RAD18: variants seen among roughly 807,000 people sequenced by gnomAD.
The protein encoded by RAD18 is RAD18 E3 ubiquitin protein ligase, also known as E3 ubiquitin-protein ligase RAD18.
A neutral mutation model predicts 60.4 loss-of-function variants in RAD18; 47 were observed. The ratio of observed to expected loss-of-function variants is 0.78; its 90% CI spans 0.62 to 0.99. The LOEUF is 0.99. Ranked by LOEUF, RAD18 falls within the 50% of genes least tolerant of loss-of-function variation. RAD18 has a pLI of 0.00. For missense variants in RAD18, 640 were observed against 593.3 expected (o/e 1.08, Z -0.82); for synonymous variants, 225 against 195.5 (o/e 1.15, Z -1.26).
chr3:8,894,830 G>A (rs920954817), intron 11 of RAD18, among the ~76,000 whole-genome samples: 10 of 146,260 alleles, frequency 6.8e-5, no homozygotes, highest in East Asian at 2.0e-4. Context: ...GCGCGATATC[G>A]GCTCACAGCA....
At position 8,898,961 on chromosome 3, in the gene RAD18, C is replaced by CAGG. The variant is rs745475364; in HGVS notation, c.1254_1255insCCT (p.Glu418_Glu419insPro). The CAGG allele has an allele frequency of 6.2e-7, 1 of 1,609,994 alleles. No individual in the cohort carries two copies. The highest frequency in any genetic ancestry group is 8.5e-7 in the Non-Finnish European group (1 of 1,177,290). ...ATATCAATACAGCTAGAAGAATCCT[C>CAGG]TTCTCTGTCAGGTTCCAATTCCTCT... On this transcript the variant is annotated inframe_insertion, in exon 11 of 13. Coordinates refer to ENST00000264926, the MANE Select transcript of RAD18 (RefSeq NM_020165.4).
chr3:8,923,605 A>G (rs1256096477), intron 7 of RAD18, among the ~76,000 whole-genome samples: 4 of 152,130 alleles, frequency 2.6e-5, no homozygotes, highest in Admixed American at 6.5e-5. Context: ...TCCAAGACAC[A>G]TAATTGACAG....
At chr3:8,945,327 C>G (rs1016587774) in intron 4 of RAD18, among the ~76,000 whole-genome samples, 1 of 152,180 alleles carries the variant, frequency 6.6e-6, no homozygotes, top group African/African-American at 2.4e-5. Flanking sequence ...AATGTTCCAA[C>G]ATGCTTTGTT....
intron 7 of RAD18, among the ~76,000 whole-genome samples, chr3:8,923,055 C>T (rs966706167): frequency 6.6e-6 from 1 of 152,198 alleles, no homozygotes; most frequent in Non-Finnish European, 1.5e-5. Flanking sequence ...CAGAACACAG[C>T]TGGACAGAGA....
At chr3:8,882,924 C>T (rs1939496441) in intron 12 of RAD18, among the ~76,000 whole-genome samples, 1 of 152,220 alleles carries the variant, frequency 6.6e-6, no homozygotes, top group Non-Finnish European at 1.5e-5. Context: ...TGGTCCTTCA[C>T]TGCATGGCCC....
At chr3:8,912,408 C>A in intron 8 of RAD18, 36 bp from the exon 9 acceptor site, 1 of 1,401,716 alleles carries the variant, frequency 7.1e-7, no homozygotes, top group Non-Finnish European at 9.7e-7. Context: ...ATAAAAATCT[C>A]CCCAAAATGA....
Position 8,941,455 on chromosome 3 carries a change from A to C in RAD18, c.604+12T>G, listed in dbSNP as rs751471295. On this transcript the variant is annotated intron_variant, in intron 5 of 12. Coordinates refer to ENST00000264926, the MANE Select transcript of RAD18 (RefSeq NM_020165.4). Reference sequence around the variant, plus strand: ...GATGTCCATATTTCCACATATGAAAATAACTTCCTACCTTTAGTAACTTGT... The same window carrying C: ...GATGTCCATATTTCCACATATGAAACTAACTTCCTACCTTTAGTAACTTGT... 6.4e-7 allele frequency: 1 copy of C among 1,557,786 alleles called. No homozygotes were observed. The highest frequency in any genetic ancestry group is 8.8e-7 in the Non-Finnish European group (1 of 1,139,156).
intron 7 of RAD18, among the ~76,000 whole-genome samples, chr3:8,927,803 C>T (rs879562161): frequency 6.6e-6 from 1 of 151,746 alleles, no homozygotes; most frequent in Non-Finnish European, 1.5e-5. Flanking sequence ...AGCAAACTGT[C>T]GCAAGGACAG....
intron 12 of RAD18, chr3:8,889,989 T>C (rs904200635): frequency 1.1e-5 from 2 of 178,168 alleles, no homozygotes; most frequent in African/African-American, 4.7e-5. Context: ...GCTGTACAGG[T>C]TTGTAGCCTA....
chr3:8,882,487 C>T (rs879363483), intron 12 of RAD18, among the ~76,000 whole-genome samples: 6 of 152,112 alleles, frequency 3.9e-5, no homozygotes, highest in Admixed American at 3.9e-4. Flanking sequence ...GAAAGGCCCA[C>T]CCCTGAGACT....
rs1317639410 is a variant in RAD18 at position 8,941,490 on chromosome 3, G to T, written c.581C>A (p.Ser194Tyr). Residue 194 changes from serine (S) to tyrosine (Y), a missense_variant, in exon 5 of 13, where the codon TCC becomes TAC. Ser to Tyr is a moderately radical substitution (Grantham distance 144). Coordinates refer to ENST00000264926, the MANE Select transcript of RAD18 (RefSeq NM_020165.4). ...EAKRPEPPST[S>Y]TLKQVTKVDC... is the part of the protein sequence containing the mutation. ...ACCTTTAGTAACTTGTTTCAAAGTG[G>T]ATGTCGAGGGTGGCTCAGGACGCTT... is the stretch of plus-strand genomic sequence containing the variant. 2 of 1,608,758 alleles carry T rather than the reference G, an allele frequency of 1.2e-6. No individual in the cohort carries two copies. Among genetic ancestry groups the T allele is most frequent in the African/African-American group, 2.7e-5 (2 of 74,730 alleles).
At chr3:8,919,983 TAAGAAAATAA>T (rs1940286210) in intron 7 of RAD18, among the ~76,000 whole-genome samples, 1 of 151,716 alleles carries the variant, frequency 6.6e-6, no homozygotes, top group Non-Finnish European at 1.5e-5. Flanking sequence ...AAGAGACAAA[TAAGAAAATAA>T]CAAGGCAGGC....
chr3:8,916,879 T>C (rs1277127728), intron 7 of RAD18, among the ~76,000 whole-genome samples: 1 of 151,664 alleles, frequency 6.6e-6, no homozygotes, highest in Non-Finnish European at 1.5e-5. Flanking sequence ...AATATACACA[T>C]AATAGAAATC....
At chr3:8,922,275 G>C (rs528091651) in intron 7 of RAD18, among the ~76,000 whole-genome samples, 1 of 152,204 alleles carries the variant, frequency 6.6e-6, no homozygotes, top group South Asian at 2.1e-4. Flanking sequence ...AGCAAACAGC[G>C]CACCAGGAGA....
At chr3:8,927,727 G>A (rs187936154) in intron 7 of RAD18, among the ~76,000 whole-genome samples, 2 of 152,140 alleles carry the variant, frequency 1.3e-5, no homozygotes, top group Non-Finnish European at 2.9e-5. Flanking sequence ...ATACTATGCA[G>A]CCATAAAAAA....
chr3:8,885,874 C>T (rs1179839315), intron 12 of RAD18, among the ~76,000 whole-genome samples: 3 of 152,194 alleles, frequency 2.0e-5, no homozygotes, highest in African/African-American at 7.2e-5. Context: ...CTTTCTAGGA[C>T]ATAAAGGCAC....
At chr3:8,959,359 A>G (rs1400832480) in intron 1 of RAD18, among the ~76,000 whole-genome samples, 1 of 152,168 alleles carries the variant, frequency 6.6e-6, no homozygotes, top group East Asian at 1.9e-4. Flanking sequence ...AGACTCCAAC[A>G]CCTAGCCTAT....
chr3:8,942,753 G>T (rs772463806), intron 4 of RAD18, among the ~76,000 whole-genome samples: 2 of 152,164 alleles, frequency 1.3e-5, no homozygotes, highest in Non-Finnish European at 2.9e-5. Flanking sequence ...GCTTTGACAC[G>T]TGGTAGCTAC....
At chr3:8,902,210 CA>C (rs1257671395) in intron 10 of RAD18, among the ~76,000 whole-genome samples, 169 bp downstream of exon 10, 1 of 152,162 alleles carries the variant, frequency 6.6e-6, no homozygotes, top group Non-Finnish European at 1.5e-5. Flanking sequence ...CCACTTTCCC[CA>C]TAGTAATAAA....
Sources: gnomAD v4.1 joint callset for allele counts (sites outside exome capture counted in the v4.1 genomes callset) on GRCh38, gnomAD v4.1.1 for gene constraint, MANE v1.5 for transcripts, NCBI Gene and HGNC (gene_info 2026-07-23, HGNC 2026-07-21) for gene names.